The following PIR variants were observed in gnomAD, a reference collection of about 807,000 sequenced individuals.
The protein encoded by PIR is pirin.
PIR carries 22 observed loss-of-function variants against 24.2 expected under a neutral mutation model. The ratio of observed to expected loss-of-function variants is 0.91; its 90% CI spans 0.65 to 1.30. The LOEUF (loss-of-function observed/expected upper bound fraction) is 1.30, where lower values mean the gene tolerates loss of function less well. Ranked by LOEUF, PIR falls within the 50% of genes most tolerant of loss-of-function variation. The pLI is 0.00. For synonymous variants in PIR, 80 were observed against 79.6 expected, an observed-to-expected ratio of 1.00 and a Z score of -0.03; for missense variants, 220 against 220.3, an observed-to-expected ratio of 1.00 and a Z score of 0.01.
intron 3 of PIR, among the ~76,000 whole-genome samples, chrX:15,477,308 A>G (rs1922244793): frequency 9.0e-6 from 1 of 111,516 alleles, no homozygotes; most frequent in South Asian, 3.8e-4. Flanking sequence ...CATCATTTTT[A>G]TAGAAAAAAT....
chrX:15,464,555 T>C (rs1003337461), intron 3 of PIR: 19 of 334,010 alleles, frequency 5.7e-5, no homozygotes, highest in Non-Finnish European at 7.4e-5. Flanking sequence ...AGCTCCATAT[T>C]ACATGTAGGA....
At chrX:15,469,864 T>C (rs1485097178) in intron 3 of PIR, among the ~76,000 whole-genome samples, 1 of 111,309 alleles carries the variant, frequency 9.0e-6, no homozygotes, top group Non-Finnish European at 1.9e-5. Context: ...AGAGCACTAT[T>C]TTGGACTTAC....
chrX:15,428,655 CTG>C, intron 5 of PIR, among the ~76,000 whole-genome samples: 1 of 111,434 alleles, frequency 9.0e-6, no homozygotes, highest in South Asian at 3.8e-4. Flanking sequence ...TTCTTTCTCT[CTG>C]TCTCTCTCTC....
intron 3 of PIR, among the ~76,000 whole-genome samples, chrX:15,476,013 C>T (rs896663738): frequency 8.9e-6 from 1 of 112,139 alleles, no homozygotes; most frequent in Non-Finnish European, 1.9e-5. Context: ...CTCTCTCTTA[C>T]TTATCTCATA....
chrX:15,393,286 C>T (rs776917838), intron 8 of PIR, among the ~76,000 whole-genome samples: 38 of 112,039 alleles, frequency 3.4e-4, no homozygotes, highest in Non-Finnish European at 6.4e-4. Flanking sequence ...CAAGATATGT[C>T]TCGAGTTCTG....
At position 15,421,646 on chromosome X, in the gene PIR, A is replaced by G. The variant is rs188618196; in HGVS notation, c.565+4260T>C. ...AACTAGTAATGAGATAGAAGCCATA[A>G]TAAGTCTCCCATAAAAAAAAAAAAA... On this transcript the variant is annotated intron_variant, in intron 6 of 9. Transcript: ENST00000380420. Among the ~76,000 whole-genome samples, 52 of 95,902 alleles carry G rather than the reference A, an allele frequency of 5.4e-4. No homozygotes were observed. The East Asian group carries it at 0.013, about 24-fold the overall frequency. 83.3% of individuals were successfully genotyped at this position (95,902 alleles called of 115,157 possible).
At chrX:15,407,614 A>G in intron 6 of PIR, 64 bp from the exon 7 acceptor site, 6 of 789,967 alleles carry the variant, frequency 7.6e-6, no homozygotes, top group Non-Finnish European at 1.2e-5. Flanking sequence ...AAAGACATAT[A>G]CGTATTACAA....
chrX:15,418,760 C>T (rs1039693425), intron 6 of PIR, among the ~76,000 whole-genome samples: 1 of 112,060 alleles, frequency 8.9e-6, no homozygotes, highest in Admixed American at 9.5e-5. Flanking sequence ...TCATGAGAAA[C>T]GTTTTCAGTC....
At chrX:15,476,907 A>C (rs1476973983) in intron 3 of PIR, among the ~76,000 whole-genome samples, 2 of 112,064 alleles carry the variant, frequency 1.8e-5, no homozygotes, top group Non-Finnish European at 3.8e-5. Flanking sequence ...CCATCATGGC[A>C]GATGCTTAAT....
chrX:15,473,802 G>A lies in PIR; in HGVS notation c.189+5927C>T, dbSNP rs769522135. Among the ~76,000 whole-genome samples, 400 of 112,325 alleles carry A rather than the reference G, an allele frequency of 3.6e-3. 3 individuals are homozygous for A. The highest frequency in any genetic ancestry group is 0.013 in the African/African-American group (392 of 30,981). The stretch of plus-strand genomic sequence containing the variant: ...GAACTCCTGACCTCATGATCCGCCC[G>A]CCTCGGCCTCCCAGAGTGCTGGGAT... On this transcript the variant is annotated intron_variant, in intron 3 of 9. Transcript: ENST00000380420.
intron 2 of PIR, among the ~76,000 whole-genome samples, chrX:15,481,437 T>A (rs1390854724): frequency 2.7e-5 from 3 of 112,270 alleles, no homozygotes; most frequent in African/African-American, 9.7e-5. Flanking sequence ...AATCTATGGA[T>A]CAAATTGTGA....
intron 6 of PIR, among the ~76,000 whole-genome samples, chrX:15,411,259 C>T (rs1569196595): frequency 9.0e-6 from 1 of 111,502 alleles, no homozygotes; most frequent in Non-Finnish European, 1.9e-5. Context: ...ACAGTTAAGT[C>T]AGCAACGCAT....
chrX:15,463,723 G>C (rs55760118), intron 3 of PIR, among the ~76,000 whole-genome samples: 26,283 of 111,358 alleles, frequency 0.24, 2,515 homozygotes, highest in East Asian at 0.51. Flanking sequence ...GGATAGAAGA[G>C]ACCCATTTGT....
chrX:15,399,801 G>A (rs891433073), intron 7 of PIR, among the ~76,000 whole-genome samples: 2 of 111,047 alleles, frequency 1.8e-5, no homozygotes, highest in Non-Finnish European at 3.8e-5. Flanking sequence ...AGCTATATCC[G>A]AAACCTGTTC....
Position 15,479,810 on chromosome X carries a change from C to CA in PIR, c.107dup (p.Asp37GlyfsTer7). On this transcript the variant is annotated frameshift_variant, in exon 3 of 10. Transcript: ENST00000380420. LOFTEE classifies it high-confidence loss of function. ...ATTCATCAAACAGTAAAAACGGATC[C>CA]AGATTTTTTAACTGAAATAAAAATA... 8.8e-7 allele frequency: 1 copy of CA among 1,139,992 alleles called. No homozygotes were observed. The highest frequency in any genetic ancestry group is 1.2e-6 in the Non-Finnish European group (1 of 838,489). 93.9% of individuals were successfully genotyped at this position (1,139,992 alleles called of 1,213,427 possible).
rs1924908678 is a variant in PIR, at chrX:15,416,189, T to C, written c.566-8639A>G. ...AGACCTATAGATTTACATCCATAACTGTTATGTATATATTCTAAGTATGAA... is the reference window on the plus strand; with the variant it reads ...AGACCTATAGATTTACATCCATAACCGTTATGTATATATTCTAAGTATGAA... On this transcript the variant is annotated intron_variant, in intron 6 of 9. Coordinates refer to ENST00000380420, the MANE Select transcript of PIR (RefSeq NM_001018109.3). 2.7e-5 allele frequency among the ~76,000 whole-genome samples: 3 copies of C among 112,010 alleles called. No individual in the cohort carries two copies. The South Asian group carries it at 1.1e-3, about 41-fold the overall frequency.
At chrX:15,431,267 T>C (rs1925496557) in intron 5 of PIR, among the ~76,000 whole-genome samples, 1 of 112,059 alleles carries the variant, frequency 8.9e-6, no homozygotes, top group Admixed American at 9.4e-5. Context: ...TTGTGTTTTA[T>C]GGGGTTTTTG....
At chrX:15,458,104 C>T (rs1409897187) in intron 4 of PIR, among the ~76,000 whole-genome samples, 1 of 112,298 alleles carries the variant, frequency 8.9e-6, no homozygotes, top group African/African-American at 3.2e-5. Flanking sequence ...CATTTTTAAG[C>T]ATTTTCCTTT....
chrX:15,459,940 G>A (rs751214236), intron 3 of PIR, among the ~76,000 whole-genome samples, 200 bp from the exon 4 acceptor site: 1 of 107,295 alleles, frequency 9.3e-6, no homozygotes, highest in South Asian at 4.1e-4. Context: ...ATAGGCAAAG[G>A]ACTTGAATAG....
Sources: allele counts gnomAD v4.1 joint callset (sites outside exome capture counted in the v4.1 genomes callset), GRCh38; gene constraint gnomAD v4.1.1; transcripts MANE v1.5; gene names NCBI Gene and HGNC (gene_info 2026-07-23, HGNC 2026-07-21).